NUB1: variants seen among roughly 807,000 people sequenced by gnomAD.
NUB1 encodes the protein negative regulator of ubiquitin like proteins 1, also known as NEDD8 ultimate buster 1.
A neutral mutation model predicts 77.1 loss-of-function variants in NUB1; 41 were observed. That is an observed-to-expected ratio of 0.53 (90% confidence interval 0.41 to 0.69). The LOEUF (loss-of-function observed/expected upper bound fraction) is 0.69, where lower values mean the gene tolerates loss of function less well. Ranked by LOEUF, NUB1 falls within the 30% of genes least tolerant of loss-of-function variation. The probability of loss-of-function intolerance (pLI) is 0.00; values close to 1 mark genes in which losing one functional copy is unlikely to be tolerated. For missense variants in NUB1, 643 were observed against 743.8 expected (o/e 0.86, Z 1.58); for synonymous variants, 257 against 281.0 (o/e 0.91, Z 0.85).
At chr7:151,356,246 G>T (rs1184490183) in intron 7 of NUB1, 24 bp downstream of exon 7, 8 of 1,533,870 alleles carry the variant, frequency 5.2e-6, no homozygotes, top group South Asian at 1.1e-5. Context: ...GAAATGTGTG[G>T]CCTGTTCTTA....
At chr7:151,345,270 G>A (rs979793558) in intron 1 of NUB1, 78 bp from the exon 2 acceptor site, 32 of 875,194 alleles carry the variant, frequency 3.7e-5, no homozygotes, top group Non-Finnish European at 3.6e-5. Context: ...ACCCAACAAA[G>A]CACCTTAACA....
intron 7 of NUB1, among the ~76,000 whole-genome samples, chr7:151,358,008 G>A (rs372768925): frequency 1.3e-4 from 19 of 151,374 alleles, no homozygotes; most frequent in African/African-American, 4.1e-4. Flanking sequence ...GCGGAGTCTC[G>A]CTCTGTCATC....
At chr7:151,344,353 C>A (rs1338289347) in intron 1 of NUB1, among the ~76,000 whole-genome samples, 1 of 151,052 alleles carries the variant, frequency 6.6e-6, no homozygotes, top group Admixed American at 6.6e-5. Context: ...CTCTGTTGCC[C>A]AGGCTGGAGT....
chr7:151,351,397 C>G (rs761857903), intron 3 of NUB1, 27 bp from the exon 4 acceptor site: 1 of 1,549,112 alleles, frequency 6.5e-7, no homozygotes, highest in East Asian at 2.3e-5. Context: ...AATTCAAGTA[C>G]GTTTTACTTT....
chr7:151,368,023 G>C, intron 10 of NUB1, 55 bp downstream of exon 10: 1 of 1,037,918 alleles, frequency 9.6e-7, no homozygotes, highest in Non-Finnish European at 1.4e-6. Flanking sequence ...AACATTCCCA[G>C]AAGTTAAGGA....
intron 2 of NUB1, among the ~76,000 whole-genome samples, chr7:151,347,847 G>C (rs28589754): frequency 6.6e-6 from 1 of 152,102 alleles, no homozygotes; most frequent in African/African-American, 2.4e-5. Flanking sequence ...TAATTTTTAC[G>C]TACTACATGG....
chr7:151,377,469 C>A lies in NUB1; in HGVS notation c.*244C>A. 3.2e-6 allele frequency: 1 copy of A among 313,178 alleles called. No individual in the cohort carries two copies. The highest frequency in any genetic ancestry group is 5.9e-6 in the Non-Finnish European group (1 of 170,702). The allele number at this position is 313,178 out of a possible 1,614,324, so 19.4% of individuals were successfully genotyped here. A position where few individuals can be genotyped will look rare whatever the true frequency, so the allele number is the denominator to read the frequency against. ...CCTCCCAGGTCTGCGTCCCTAACCCCTTCCCCAGCTTGGTGTTTTACCCCG... is the reference window on the plus strand; with the variant it reads ...CCTCCCAGGTCTGCGTCCCTAACCCATTCCCCAGCTTGGTGTTTTACCCCG... On this transcript the variant is annotated 3_prime_UTR_variant, in exon 15 of 15. Transcript: ENST00000568733.
intron 7 of NUB1, among the ~76,000 whole-genome samples, chr7:151,359,085 A>T (rs1344537716): frequency 6.6e-6 from 1 of 150,792 alleles, no homozygotes; most frequent in Non-Finnish European, 1.5e-5. Flanking sequence ...TAAAATAAAA[A>T]AATTTGTTTT....
intron 7 of NUB1, among the ~76,000 whole-genome samples, chr7:151,359,184 A>C (rs1175462458): frequency 6.6e-6 from 1 of 151,232 alleles, no homozygotes; most frequent in Non-Finnish European, 1.5e-5. Flanking sequence ...CATGCCTGTA[A>C]TCCCAGCACT....
chr7:151,348,428 T>C (rs1796606858), intron 2 of NUB1, among the ~76,000 whole-genome samples: 1 of 152,004 alleles, frequency 6.6e-6, no homozygotes, highest in Non-Finnish European at 1.5e-5. Flanking sequence ...CAGTTCATTA[T>C]ACTTTTTAAA....
chr7:151,344,794 A>G (rs909608990), intron 1 of NUB1, among the ~76,000 whole-genome samples: 18 of 152,130 alleles, frequency 1.2e-4, no homozygotes, highest in African/African-American at 3.4e-4. Context: ...GAGGTCAGGA[A>G]TTCGAGACCA....
chr7:151,376,015 T>C, intron 13 of NUB1, 72 bp downstream of exon 13: 1 of 952,542 alleles, frequency 1.0e-6, no homozygotes, highest in Non-Finnish European at 1.7e-6. Context: ...CCCGGGTGAA[T>C]CAGGCAGCAG....
chr7:151,353,561 A>G (rs1796920485), intron 5 of NUB1, among the ~76,000 whole-genome samples: 1 of 152,202 alleles, frequency 6.6e-6, no homozygotes, highest in African/African-American at 2.4e-5. Context: ...GCTGTTGGGA[A>G]ACGAGAAACT....
intron 5 of NUB1, 43 bp from the exon 6 acceptor site, chr7:151,355,725 C>T: frequency 6.7e-7 from 1 of 1,503,714 alleles, no homozygotes; most frequent in South Asian, 1.3e-5. Context: ...ACCTGGTAAG[C>T]TTAATGGCTT....
At chr7:151,343,436 G>A (rs1034070187) in intron 1 of NUB1, among the ~76,000 whole-genome samples, 3 of 152,202 alleles carry the variant, frequency 2.0e-5, no homozygotes, top group Non-Finnish European at 2.9e-5. Flanking sequence ...GGTTTGGGGG[G>A]ATGTGGAATA....
chr7:151,357,400 A>G (rs1584949082), intron 7 of NUB1, among the ~76,000 whole-genome samples: 1 of 152,088 alleles, frequency 6.6e-6, no homozygotes, highest in East Asian at 1.9e-4. Context: ...CTGGGATTAC[A>G]GGTGTGAGCC....
At chr7:151,351,078 T>C in intron 3 of NUB1, 1 of 271,694 alleles carries the variant, frequency 3.7e-6, no homozygotes, top group Non-Finnish European at 7.0e-6. Context: ...GATTAGTGGT[T>C]GCCAGGGGCT....
intron 12 of NUB1, among the ~76,000 whole-genome samples, chr7:151,375,555 T>C (rs1189652780): frequency 6.6e-6 from 1 of 152,250 alleles, no homozygotes; most frequent in African/African-American, 2.4e-5. Flanking sequence ...TTTCTGTCTG[T>C]AGCTCTGACA....
chr7:151,357,037 C>T (rs1021803406), intron 7 of NUB1, among the ~76,000 whole-genome samples: 2 of 151,836 alleles, frequency 1.3e-5, no homozygotes, highest in African/African-American at 2.4e-5. Context: ...TTTTTTAAGA[C>T]ACAGGGTCTT....
Sources: allele counts gnomAD v4.1 joint callset (sites outside exome capture counted in the v4.1 genomes callset), GRCh38; gene constraint gnomAD v4.1.1; transcripts MANE v1.5; gene names NCBI Gene and HGNC (gene_info 2026-07-23, HGNC 2026-07-21).